Variants in NECAB1 observed in about 807,000 individuals in gnomAD.
NECAB1 encodes the protein N-terminal EF-hand calcium binding protein 1.
NECAB1 carries 29 observed loss-of-function variants against 57.5 expected under a neutral mutation model. That is an observed-to-expected ratio of 0.50 (90% CI 0.38 to 0.69). The LOEUF (loss-of-function observed/expected upper bound fraction) is 0.69, where lower values mean the gene tolerates loss of function less well. Ranked by LOEUF, NECAB1 falls within the 30% of genes least tolerant of loss-of-function variation. The pLI, the probability that NECAB1 is intolerant of heterozygous loss-of-function variation, is 0.00. For synonymous variants in NECAB1, 142 were observed against 147.7 expected (o/e 0.96, Z 0.28); for missense variants, 372 against 413.8 (o/e 0.90, Z 0.88).
intron 3 of NECAB1, among the ~76,000 whole-genome samples, chr8:90,844,159 C>G (rs574438213): frequency 6.6e-6 from 1 of 152,184 alleles, no homozygotes; most frequent in Non-Finnish European, 1.5e-5. Context: ...GGGTTGTATA[C>G]AAATCTGGGG....
chr8:90,835,051 C>T (rs1382206849), intron 3 of NECAB1, among the ~76,000 whole-genome samples: 1 of 151,096 alleles, frequency 6.6e-6, no homozygotes, highest in African/African-American at 2.4e-5. Flanking sequence ...TTCTATTCTG[C>T]ATTCTCATTG....
intron 5 of NECAB1, among the ~76,000 whole-genome samples, chr8:90,906,881 A>ATATATGTATATATATATATATATATATG (rs1809670353): frequency 8.9e-6 from 1 of 112,646 alleles, no homozygotes; most frequent in African/African-American, 4.1e-5. Flanking sequence ...ATACACATAT[A>ATATATGTATATATATATATATATATATG]TATATATATA....
intron 5 of NECAB1, among the ~76,000 whole-genome samples, chr8:90,907,257 T>C (rs927975911): frequency 6.0e-5 from 9 of 150,668 alleles, no homozygotes; most frequent in Non-Finnish European, 8.9e-5. Context: ...CAGATGACCA[T>C]TAAAATTCCA....
chr8:90,907,447 T>C (rs138276192), intron 5 of NECAB1, among the ~76,000 whole-genome samples: 1 of 152,304 alleles, frequency 6.6e-6, no homozygotes, highest in African/African-American at 2.4e-5. Flanking sequence ...GATTTCTAAA[T>C]GTGGGATATA....
chr8:90,903,127 ATATAT>A (rs1809548077), intron 5 of NECAB1, among the ~76,000 whole-genome samples: 3 of 152,138 alleles, frequency 2.0e-5, no homozygotes, highest in Admixed American at 2.0e-4. Context: ...TGAAAAAACA[ATATAT>A]TATAGATATT....
intron 3 of NECAB1, among the ~76,000 whole-genome samples, chr8:90,833,752 A>T (rs1351243239): frequency 6.6e-6 from 1 of 152,184 alleles, no homozygotes. Flanking sequence ...CATGGTGCTC[A>T]CTTCGTGGAC....
At chr8:90,853,181 G>T (rs1438282368) in intron 3 of NECAB1, among the ~76,000 whole-genome samples, 1 of 152,244 alleles carries the variant, frequency 6.6e-6, no homozygotes, top group Non-Finnish European at 1.5e-5. Context: ...TCCTGTGAGG[G>T]GTGGAGTGCA....
At chr8:90,940,500 T>A in intron 9 of NECAB1, 1 of 302,816 alleles carries the variant, frequency 3.3e-6, no homozygotes, top group Non-Finnish European at 6.3e-6. Flanking sequence ...GATATAAAGA[T>A]AATTTTAAAA....
intron 2 of NECAB1, among the ~76,000 whole-genome samples, chr8:90,813,873 A>G (rs1280843255): frequency 6.6e-6 from 1 of 152,184 alleles, no homozygotes; most frequent in Non-Finnish European, 1.5e-5. Context: ...GTTCCCATAT[A>G]ACCCAAAACC....
intron 3 of NECAB1, among the ~76,000 whole-genome samples, chr8:90,865,882 A>G (rs1808503291): frequency 6.6e-6 from 1 of 152,184 alleles, no homozygotes; most frequent in Non-Finnish European, 1.5e-5. Context: ...CACCCAGTTC[A>G]TAGATCTCAA....
intron 10 of NECAB1, among the ~76,000 whole-genome samples, chr8:90,943,320 G>A (rs989414192): frequency 5.3e-5 from 8 of 152,142 alleles, no homozygotes; most frequent in Non-Finnish European, 1.0e-4. Context: ...TGCAAGATTG[G>A]TTTGTTTCAT....
In NECAB1 at chr8:90,798,160, C is replaced by T. The variant is rs536663817; in HGVS notation, c.100-3531C>T. Among the ~76,000 whole-genome samples, 21 of 152,298 alleles carry T rather than the reference C, an allele frequency of 1.4e-4. No individual in the cohort carries two copies. The South Asian group carries it at 4.4e-3, about 32-fold the overall frequency. On this transcript the variant is annotated intron_variant, in intron 1 of 12. Transcript: ENST00000417640. Reference sequence around the variant, plus strand: ...ATACCTGACTCTTTGATCATGTGGTCTCTATCCTCTATCTCTGCATCTCTG... The same window carrying T: ...ATACCTGACTCTTTGATCATGTGGTTTCTATCCTCTATCTCTGCATCTCTG...
At chr8:90,896,785 A>G (rs28610929) in intron 5 of NECAB1, among the ~76,000 whole-genome samples, 1 of 151,518 alleles carries the variant, frequency 6.6e-6, no homozygotes, top group Non-Finnish European at 1.5e-5. Context: ...CCGATTACCT[A>G]CTCCACTCTA....
chr8:90,801,897 G>T (rs1039469324), intron 2 of NECAB1, among the ~76,000 whole-genome samples, 182 bp downstream of exon 2: 1 of 152,198 alleles, frequency 6.6e-6, no homozygotes, highest in African/African-American at 2.4e-5. Context: ...TTGGCAGAAG[G>T]ATTTACATTT....
At chr8:90,917,737 A>G (rs1417561703) in intron 6 of NECAB1, 109 bp downstream of exon 6, 16 of 1,066,884 alleles carry the variant, frequency 1.5e-5, no homozygotes, top group Non-Finnish European at 2.0e-5. Flanking sequence ...GAGAATTGAT[A>G]TATTTAAAAA....
At chr8:90,941,842 GA>G (rs1312921792) in intron 10 of NECAB1, among the ~76,000 whole-genome samples, 1 of 152,182 alleles carries the variant, frequency 6.6e-6, no homozygotes, top group African/African-American at 2.4e-5. Context: ...CTCAAGTTCA[GA>G]GCCCAGGTCC....
rs1554574051 is a variant in NECAB1, at chr8:90,906,883, A to ATATATGTATATATATATATATGTATG, written c.358-10604_358-10603insGTATATATATATATATGTATGTATAT. The stretch of plus-strand genomic sequence containing the variant: ...CCTTACATATGATATACACATATAT[A>ATATATGTATATATATATATATGTATG]TATATATATATATATATATATATAT... On this transcript the variant is annotated intron_variant, in intron 5 of 12. Transcript: ENST00000417640. 1.2e-3 allele frequency among the ~76,000 whole-genome samples: 95 copies of ATATATGTATATATATATATATGTATG among 80,766 alleles called. 2 individuals carry two copies. Among genetic ancestry groups the ATATATGTATATATATATATATGTATG allele is most frequent in the East Asian group, 9.0e-3 (14 of 1,562 alleles). 53.0% of individuals were successfully genotyped at this position (80,766 alleles called of 152,430 possible). A position where few individuals can be genotyped will look rare whatever the true frequency, so the allele number is the denominator to read the frequency against.
At chr8:90,804,739 A>G (rs1417157792) in intron 2 of NECAB1, among the ~76,000 whole-genome samples, 2 of 152,146 alleles carry the variant, frequency 1.3e-5, no homozygotes, top group Non-Finnish European at 2.9e-5. Context: ...CCTGCCTTTC[A>G]TCCCACCTTA....
chr8:90,953,531 G>A (rs1340190159), intron 12 of NECAB1, among the ~76,000 whole-genome samples: 4 of 152,092 alleles, frequency 2.6e-5, no homozygotes, highest in Admixed American at 6.5e-5. Context: ...CTGGAATTTC[G>A]TAGAACAAGA....
Sources: gnomAD v4.1 joint callset for allele counts (sites outside exome capture counted in the v4.1 genomes callset) on GRCh38, gnomAD v4.1.1 for gene constraint, MANE v1.5 for transcripts, NCBI Gene and HGNC (gene_info 2026-07-23, HGNC 2026-07-21) for gene names.